Variants in TNNI3K observed in about 807,000 individuals in gnomAD.
TNNI3K encodes the protein TNNI3 interacting kinase.
A neutral mutation model predicts 114.5 loss-of-function variants in TNNI3K; 140 were observed. The observed-to-expected ratio is 1.22, with a 90% CI of 1.07 to 1.41. The LOEUF is 1.41. Ranked by LOEUF, TNNI3K falls within the 40% of genes most tolerant of loss-of-function variation. The probability of loss-of-function intolerance (pLI) is 0.00; values close to 1 mark genes in which losing one functional copy is unlikely to be tolerated. For synonymous variants in TNNI3K, 347 were observed against 347.5 expected (o/e 1.00, Z 0.02); for missense variants, 1,125 against 1,007.6 (o/e 1.12, Z -1.58).
At chr1:74,263,547 C>A (rs1202990540) in intron 4 of TNNI3K, among the ~76,000 whole-genome samples, 1 of 151,798 alleles carries the variant, frequency 6.6e-6, no homozygotes, top group Non-Finnish European at 1.5e-5. Flanking sequence ...CAAAATGGTC[C>A]TATTTGGGCC....
At chr1:74,398,974 G>A (rs1664220563) in intron 17 of TNNI3K, among the ~76,000 whole-genome samples, 1 of 151,646 alleles carries the variant, frequency 6.6e-6, no homozygotes, top group South Asian at 2.1e-4. Context: ...GGCCAACATG[G>A]TTGAAACCCC....
At chr1:74,518,074 C>T (rs1482334325) in intron 23 of TNNI3K, among the ~76,000 whole-genome samples, 3 of 152,088 alleles carry the variant, frequency 2.0e-5, no homozygotes, top group African/African-American at 4.8e-5. Context: ...ATAGGGCAGC[C>T]GTGTGCAGGT....
intron 2 of TNNI3K, among the ~76,000 whole-genome samples, chr1:74,242,098 C>T (rs1399559577): frequency 6.6e-6 from 1 of 152,072 alleles, no homozygotes; most frequent in Non-Finnish European, 1.5e-5. Flanking sequence ...ATCTGCCCAC[C>T]TTGGCCTCCC....
chr1:74,406,500 C>T (rs1664620456), intron 17 of TNNI3K, among the ~76,000 whole-genome samples: 2 of 152,128 alleles, frequency 1.3e-5, no homozygotes, highest in Admixed American at 1.3e-4. Context: ...CATTTTGAAT[C>T]TGTCTCACAC....
At chr1:74,431,044 A>G (rs1208148979) in intron 17 of TNNI3K, among the ~76,000 whole-genome samples, 1 of 152,184 alleles carries the variant, frequency 6.6e-6, no homozygotes, top group African/African-American at 2.4e-5. Context: ...CTTAAGTTGT[A>G]CAGACATGCT....
intron 17 of TNNI3K, among the ~76,000 whole-genome samples, chr1:74,426,491 C>T (rs1217041553): frequency 1.3e-5 from 2 of 152,064 alleles, no homozygotes; most frequent in South Asian, 2.1e-4. Context: ...GCTCAGCCCT[C>T]GTCTGCTTGA....
chr1:74,451,467 A>T (rs993445242), intron 20 of TNNI3K, among the ~76,000 whole-genome samples: 5 of 151,986 alleles, frequency 3.3e-5, no homozygotes, highest in African/African-American at 1.2e-4. Flanking sequence ...AATAAATTTT[A>T]TTGCAATCTA....
chr1:74,346,774 T>C (rs1661019963), intron 9 of TNNI3K, among the ~76,000 whole-genome samples: 1 of 151,508 alleles, frequency 6.6e-6, no homozygotes, highest in African/African-American at 2.4e-5. Flanking sequence ...TTCTGGAGGC[T>C]AGAAGTCCAA....
rs1655953350 is a variant in TNNI3K, at chr1:74,265,916, CACAT to C, written c.334-5680_334-5677del. On this transcript the variant is annotated intron_variant, in intron 4 of 24. Coordinates refer to ENST00000326637, the MANE Select transcript of TNNI3K (RefSeq NM_015978.3). ...GACAAAGAATGGAAGGGAAAATACA[CACAT>C]AAATAATAGTGATTATATGGTAGTA... Among the ~76,000 whole-genome samples, 4 of 151,724 alleles carry C rather than the reference CACAT, an allele frequency of 2.6e-5. No homozygotes were observed. The South Asian group carries it at 8.3e-4, about 32-fold the overall frequency.
intron 2 of TNNI3K, among the ~76,000 whole-genome samples, chr1:74,244,610 G>T (rs1161413719): frequency 6.7e-6 from 1 of 149,336 alleles, no homozygotes. Flanking sequence ...GACGAACACA[G>T]CAGTCAATTT....
chr1:74,494,458 A>AT (rs374448830), intron 23 of TNNI3K, among the ~76,000 whole-genome samples: 5 of 152,152 alleles, frequency 3.3e-5, no homozygotes, highest in African/African-American at 9.6e-5. Flanking sequence ...ACTGGACACC[A>AT]TTTTTTATTG....
chr1:74,358,340 C>T (rs1661770123), intron 11 of TNNI3K, among the ~76,000 whole-genome samples: 1 of 151,992 alleles, frequency 6.6e-6, no homozygotes, highest in African/African-American at 2.4e-5. Flanking sequence ...GGAGCAAAAA[C>T]AATAAAAATC....
intron 20 of TNNI3K, among the ~76,000 whole-genome samples, chr1:74,445,131 T>C (rs1394980723): frequency 2.0e-5 from 3 of 151,822 alleles, no homozygotes; most frequent in Admixed American, 6.6e-5. Context: ...TGGACAAAGA[T>C]TTTATGACAA....
intron 21 of TNNI3K, among the ~76,000 whole-genome samples, chr1:74,479,300 A>G (rs1668359318): frequency 6.6e-6 from 1 of 152,198 alleles, no homozygotes; most frequent in African/African-American, 2.4e-5. Flanking sequence ...AATGACACTA[A>G]GTGTCATTTT....
intron 1 of TNNI3K, 86 bp from the exon 2 acceptor site, chr1:74,236,016 A>G: frequency 1.1e-6 from 1 of 928,510 alleles, no homozygotes; most frequent in Non-Finnish European, 1.6e-6. Context: ...AATAAAAAAC[A>G]GTTTTGATTA....
rs190537981 is a variant in TNNI3K, at chr1:74,266,799, T to C, written c.334-4799T>C. 1.1e-3 allele frequency among the ~76,000 whole-genome samples: 164 copies of C among 152,118 alleles called. 1 individual carries two copies. The highest frequency in any genetic ancestry group is 3.9e-3 in the African/African-American group (163 of 41,528). Reference sequence around the variant, plus strand: ...TTAAGTAAGCATTGTTTTAGAGTTTTATGGCTAGTACAGAGTTGCAGTTAC... The same window carrying C: ...TTAAGTAAGCATTGTTTTAGAGTTTCATGGCTAGTACAGAGTTGCAGTTAC... On this transcript the variant is annotated intron_variant, in intron 4 of 24. Transcript: ENST00000326637.
intron 17 of TNNI3K, among the ~76,000 whole-genome samples, chr1:74,421,325 C>T (rs1400547075): frequency 4.6e-5 from 7 of 152,008 alleles, no homozygotes; most frequent in Non-Finnish European, 1.0e-4. Flanking sequence ...GCCAAGTGGG[C>T]GTTCAGAAGT....
chr1:74,239,589 A>G (rs991436278), intron 2 of TNNI3K, among the ~76,000 whole-genome samples: 25 of 152,154 alleles, frequency 1.6e-4, no homozygotes, highest in Admixed American at 1.6e-3. Context: ...AGGAACATTT[A>G]AACTAGCATG....
At chr1:74,540,565 G>A (rs528008820) in intron 24 of TNNI3K, among the ~76,000 whole-genome samples, 1 of 150,746 alleles carries the variant, frequency 6.6e-6, no homozygotes, top group African/African-American at 2.4e-5. Context: ...GTGAGTGCCT[G>A]TATGTGTTTG....
Sources: gnomAD v4.1 joint callset for allele counts (sites outside exome capture counted in the v4.1 genomes callset) on GRCh38, gnomAD v4.1.1 for gene constraint, MANE v1.5 for transcripts, NCBI Gene and HGNC (gene_info 2026-07-23, HGNC 2026-07-21) for gene names.